Variants in ZNF7 observed in about 807,000 individuals in gnomAD.
ZNF7 encodes the protein C2-H2 type zinc finger protein.
In ZNF7, 10 loss-of-function variants were observed where a neutral mutation model predicts 12.0. That is an observed-to-expected ratio of 0.83 (90% CI 0.51 to 1.42). ZNF7 has a LOEUF of 1.42. Among genes scored for constraint, ZNF7 ranks in the 40% most tolerant of loss-of-function variants. ZNF7 has a pLI of 0.00. For synonymous variants in ZNF7, 334 were observed against 295.0 expected (o/e 1.13, Z -1.35); for missense variants, 854 against 837.2 (o/e 1.02, Z -0.25).
chr8:144,844,709 CAAAAA>C (rs71320849), downstream of ZNF7, among the ~76,000 whole-genome samples: 2 of 88,648 alleles, frequency 2.3e-5, no homozygotes, highest in African/African-American at 4.2e-5. Context: ...GACTCTGTAT[CAAAAA>C]AAAAAAAAAA....
rs1300695562 is a variant in ZNF7 at position 144,837,475 on chromosome 8, A to C, written c.215A>C (p.Glu72Ala). 3 of 1,611,760 alleles carry C rather than the reference A, an allele frequency of 1.9e-6. No homozygotes were observed. The highest frequency in any genetic ancestry group is 1.7e-6 in the Non-Finnish European group (2 of 1,178,240). The change falls in exon 4 of 5, where the codon GAG becomes GCG. Residue 72 changes from glutamate to alanine, a missense_variant. Transcript: ENST00000532777. ...EPWVLDLQGA[E>A]GTEAPRTSKT... Reference sequence around the variant, plus strand: ...TGGGTCCTCGACCTGCAGGGAGCAGAGGGGACAGAGGCACCAAGGACCTCC... The same window carrying C: ...TGGGTCCTCGACCTGCAGGGAGCAGCGGGGACAGAGGCACCAAGGACCTCC...
intron 3 of ZNF7, among the ~76,000 whole-genome samples, chr8:144,832,820 C>G (rs1217422582): frequency 2.0e-5 from 3 of 152,188 alleles, no homozygotes; most frequent in Admixed American, 6.5e-5. Flanking sequence ...TGTATCCCAG[C>G]TCCACATTTG....
intron 4 of ZNF7, 98 bp from the exon 5 acceptor site, chr8:144,841,257 C>A: frequency 7.8e-7 from 1 of 1,283,058 alleles, no homozygotes; most frequent in Non-Finnish European, 1.1e-6. Context: ...CTCAGTGCAA[C>A]TATCCTGGGA....
At chr8:144,845,243 G>A (rs1292395042), downstream of ZNF7, among the ~76,000 whole-genome samples, 2 of 152,082 alleles carry the variant, frequency 1.3e-5, no homozygotes, top group Non-Finnish European at 1.5e-5. Context: ...AATACTCACT[G>A]TGGTTGTCAG....
intron 4 of ZNF7, 80 bp from the exon 5 acceptor site, chr8:144,841,274 AG>A: frequency 7.0e-7 from 1 of 1,418,646 alleles, no homozygotes; most frequent in East Asian, 2.3e-5. Flanking sequence ...GGGAGCCTTG[AG>A]CCCTGGCCCC....
downstream of ZNF7, among the ~76,000 whole-genome samples, chr8:144,844,507 A>G (rs1735407): frequency 0.4 from 59,910 of 151,448 alleles, 12,276 homozygotes; most frequent in African/African-American, 0.51. Flanking sequence ...TCAGGAGATG[A>G]AGACCATCCT....
chr8:144,843,261 G>C lies in ZNF7; in HGVS notation c.*93G>C. ...AATCGTTTATACTGACAAACATGTA[G>C]AATGTTGGTAAAGGTTCAGAATTGC... On this transcript the variant is annotated 3_prime_UTR_variant, in exon 5 of 5. Transcript: ENST00000532777. 1 of 1,399,250 alleles carries C rather than the reference G, an allele frequency of 7.1e-7. No homozygotes were observed. Among genetic ancestry groups the C allele is most frequent in the East Asian group, 2.3e-5 (1 of 42,904 alleles). 86.7% of individuals were successfully genotyped at this position (1,399,250 alleles called of 1,614,324 possible). A position where few individuals can be genotyped will look rare whatever the true frequency, so the allele number is the denominator to read the frequency against.
rs1563844420 is a variant in ZNF7 at position 144,842,474 on chromosome 8, T to C, written c.1367T>C (p.Leu456Pro). ...CTKAFGCSSRLIRHQRTHTGE... is the reference protein window; with the variant it reads ...CTKAFGCSSRPIRHQRTHTGE... ...AAAGCCTTTGGTTGTAGTTCACGGC[T>C]TATTCGCCATCAGAGAACTCACACT... Residue 456 changes from leucine (L) to proline (P), a missense_variant, in exon 5 of 5, where the codon CTT (leucine) becomes CCT (proline). Transcript: ENST00000532777. The C allele has an allele frequency of 6.2e-7, 1 of 1,614,188 alleles. No homozygotes were observed. The highest frequency in any genetic ancestry group is 8.5e-7 in the Non-Finnish European group (1 of 1,180,046).
In ZNF7 at chr8:144,842,491, A is replaced by C; in HGVS notation, c.1384A>C (p.Thr462Pro). 2 of 1,614,132 alleles carry C rather than the reference A, an allele frequency of 1.2e-6. No homozygotes were observed. Among genetic ancestry groups the C allele is most frequent in the Non-Finnish European group, 1.7e-6 (2 of 1,180,020 alleles). The part of the protein sequence containing the change: ...CSSRLIRHQR[T>P]HTGEKPFKCD... ...TTCACGGCTTATTCGCCATCAGAGA[A>C]CTCACACTGGAGAAAAACCATTTAA... Residue 462 changes from threonine to proline, a missense_variant, in exon 5 of 5, where the codon ACT becomes CCT. Coordinates refer to ENST00000532777, the MANE Select transcript of ZNF7 (RefSeq NM_003416.4).
chr8:144,846,354 G>C (rs1325714755), downstream of ZNF7: 1 of 628,332 alleles, frequency 1.6e-6, no homozygotes, highest in Non-Finnish European at 2.7e-6. Context: ...TTTCTGAATG[G>C]TTGGGGAGAA....
At chr8:144,838,306 T>G in intron 4 of ZNF7, 3 of 585,984 alleles carry the variant, frequency 5.1e-6, no homozygotes, top group Non-Finnish European at 9.2e-6. Context: ...ACGACTGTGT[T>G]TCCAAACAAG....
intron 4 of ZNF7, chr8:144,838,186 C>T (rs1218802204): frequency 2.1e-5 from 15 of 701,444 alleles, no homozygotes; most frequent in Non-Finnish European, 3.4e-5. Flanking sequence ...CTTCACACGG[C>T]TGCCTTCTCC....
Position 144,843,519 on chromosome 8 carries a change from C to T in ZNF7, c.*351C>T, listed in dbSNP as rs578000818. Reference sequence around the variant, plus strand: ...AGGAGAATGGCATCAGCCCAGGAGGCGGAGCTTGCAGTGAGCTGAGATCGC... The same window carrying T: ...AGGAGAATGGCATCAGCCCAGGAGGTGGAGCTTGCAGTGAGCTGAGATCGC... On this transcript the variant is annotated 3_prime_UTR_variant, in exon 5 of 5. Transcript: ENST00000532777. The T allele has an allele frequency of 3.3e-4, 50 of 150,460 alleles. No homozygotes were observed. The East Asian group carries it at 5.5e-3, about 16-fold the overall frequency. The allele number at this position is 150,460 out of a possible 1,614,324, so 9.3% of individuals were successfully genotyped here.
At chr8:144,829,651 C>G in intron 3 of ZNF7, 47 bp downstream of exon 3, 1 of 1,565,498 alleles carries the variant, frequency 6.4e-7, no homozygotes, top group Non-Finnish European at 8.7e-7. Flanking sequence ...TCAGTCAGCA[C>G]CCACCCAGCC....
chr8:144,841,263 TG>T (rs1563839172), intron 4 of ZNF7, 91 bp from the exon 5 acceptor site: 2 of 1,331,622 alleles, frequency 1.5e-6, no homozygotes, highest in Non-Finnish European at 1.0e-6. Context: ...GCAACTATCC[TG>T]GGAGCCTTGA....
chr8:144,841,330 A>G, intron 4 of ZNF7, 25 bp from the exon 5 acceptor site: 1 of 1,579,148 alleles, frequency 6.3e-7, no homozygotes, highest in Non-Finnish European at 8.6e-7. Flanking sequence ...GGCCTAAGGA[A>G]CGTCTTTGTT....
intron 1 of ZNF7, 76 bp from the exon 2 acceptor site, chr8:144,828,967 C>A: frequency 1.3e-6 from 2 of 1,547,890 alleles, no homozygotes; most frequent in Non-Finnish European, 8.8e-7. Context: ...GAGCAGAGAG[C>A]ACAGTACCCC....
intron 4 of ZNF7, chr8:144,838,253 TA>T: frequency 1.5e-6 from 1 of 647,070 alleles, no homozygotes; most frequent in Non-Finnish European, 2.8e-6. Context: ...CATGGTGGGT[TA>T]GGGGCCACCC....
intron 2 of ZNF7, 63 bp from the exon 3 acceptor site, chr8:144,829,390 GGGCAGCTGCCTGAGACATGTCATGA>G (rs2130532214): frequency 6.3e-7 from 1 of 1,591,278 alleles, no homozygotes; most frequent in African/African-American, 1.3e-5. Flanking sequence ...CAACCCCATG[GGGCAGCTGCCTGAGACATGTCATGA>G]GGCAGCGCCA....
Sources: allele counts gnomAD v4.1 joint callset (sites outside exome capture counted in the v4.1 genomes callset), GRCh38; gene constraint gnomAD v4.1.1; transcripts MANE v1.5; gene names NCBI Gene and HGNC (gene_info 2026-07-23, HGNC 2026-07-21).